The following MYOM1 variants were observed in gnomAD, a reference collection of about 807,000 sequenced individuals.
The protein encoded by MYOM1 is myomesin-1.
Under a neutral mutation model 205.3 loss-of-function variants are expected in MYOM1, and 164 were observed. The observed-to-expected ratio is 0.80, with a 90% CI of 0.70 to 0.91. The LOEUF is 0.91. Among genes scored for constraint, MYOM1 ranks in the 40% least tolerant of loss-of-function variants. The probability of loss-of-function intolerance (pLI) is 0.00; values close to 1 mark genes in which losing one functional copy is unlikely to be tolerated. For missense variants in MYOM1, 2,011 were observed against 2,127.3 expected (o/e 0.95, Z 1.08); for synonymous variants, 772 against 789.4 (o/e 0.98, Z 0.37).
At position 3,152,602 on chromosome 18, in the gene MYOM1, C is replaced by T. The variant is rs2080237265; in HGVS notation, c.1644-709G>A. On this transcript the variant is annotated intron_variant, in intron 11 of 37. Transcript: ENST00000356443. The surrounding 1 kb of genome is among the most constrained non-coding windows in gnomAD (Gnocchi z 4.3). ...TTCCCAGCAGACAAATATGACAGCT[C>T]ATATCATGCTGTTGGCCTGATCAAC... 6.6e-6 allele frequency among the ~76,000 whole-genome samples: 1 copy of T among 152,178 alleles called. No individual in the cohort carries two copies.
chr18:3,074,506 G>C (rs1487434856), intron 36 of MYOM1, among the ~76,000 whole-genome samples: 1 of 152,170 alleles, frequency 6.6e-6, no homozygotes, highest in African/African-American at 2.4e-5. Flanking sequence ...AGCTGAATTA[G>C]TATTATGGAT....
At chr18:3,153,630 T>C (rs965101646) in intron 11 of MYOM1, among the ~76,000 whole-genome samples, 1 of 152,212 alleles carries the variant, frequency 6.6e-6, no homozygotes, top group African/African-American at 2.4e-5. Flanking sequence ...TACTAAATGA[T>C]GAAATGTTGT....
At chr18:3,153,369 G>A (rs1229108671) in intron 11 of MYOM1, among the ~76,000 whole-genome samples, 1 of 152,112 alleles carries the variant, frequency 6.6e-6, no homozygotes, top group African/African-American at 2.4e-5. Context: ...TAATAGCAAC[G>A]ACCTTAAAGG....
At chr18:3,178,395 C>G (rs937359615) in intron 5 of MYOM1, among the ~76,000 whole-genome samples, 1 of 152,246 alleles carries the variant, frequency 6.6e-6, no homozygotes. Context: ...AACCGGCAGC[C>G]TGGCTGCTGA....
intron 37 of MYOM1, among the ~76,000 whole-genome samples, chr18:3,071,353 T>C (rs529099262): frequency 2.0e-5 from 3 of 152,038 alleles, no homozygotes; most frequent in East Asian, 1.9e-4. Flanking sequence ...GTTAAGATGA[T>C]TGGAAAACCG....
At chr18:3,201,616 G>GTATGTATA (rs1258868163) in intron 2 of MYOM1, among the ~76,000 whole-genome samples, 1 of 149,934 alleles carries the variant, frequency 6.7e-6, no homozygotes, top group Non-Finnish European at 1.5e-5. Flanking sequence ...ACACATATAT[G>GTATGTATA]TATGTAAATT....
intron 10 of MYOM1, among the ~76,000 whole-genome samples, chr18:3,163,259 C>A (rs1034285185): frequency 3.9e-5 from 6 of 152,170 alleles, no homozygotes; most frequent in African/African-American, 1.4e-4. Flanking sequence ...CCCTCTTTTG[C>A]AGCAGCTTCC....
intron 5 of MYOM1, among the ~76,000 whole-genome samples, chr18:3,178,658 C>G (rs1008648804): frequency 6.6e-6 from 1 of 152,224 alleles, no homozygotes; most frequent in African/African-American, 2.4e-5. Context: ...TATAACAGAA[C>G]CCGAACTCAT....
At chr18:3,174,304 G>A in intron 6 of MYOM1, 96 bp from the exon 7 acceptor site, 1 of 996,892 alleles carries the variant, frequency 1.0e-6, no homozygotes, top group Non-Finnish European at 1.5e-6. Context: ...ACAGCCCCCT[G>A]CAAATCAGTG....
chr18:3,161,529 CT>C (rs1290595245), intron 10 of MYOM1, among the ~76,000 whole-genome samples: 1 of 152,214 alleles, frequency 6.6e-6, no homozygotes, highest in Non-Finnish European at 1.5e-5. Context: ...AATTCGGCCT[CT>C]GCCCCTCCAC....
At chr18:3,150,572 T>C (rs1212162848) in intron 12 of MYOM1, among the ~76,000 whole-genome samples, 1 of 151,978 alleles carries the variant, frequency 6.6e-6, no homozygotes, top group Non-Finnish European at 1.5e-5. Flanking sequence ...AGAACACCCC[T>C]AGCCACCTCC....
chr18:3,152,118 G>C lies in MYOM1; in HGVS notation c.1644-225C>G, dbSNP rs1246028329. ...GAAGCCTCAGGTCCTTCCTGAACTC[G>C]TAAAAAGCAGGCATCTGAGGGGCCT... On this transcript the variant is annotated intron_variant, in intron 11 of 37. Coordinates refer to ENST00000356443, the MANE Select transcript of MYOM1 (RefSeq NM_003803.4). The surrounding 1 kb of genome is among the most constrained non-coding windows in gnomAD (Gnocchi z 4.3). 6.6e-6 allele frequency among the ~76,000 whole-genome samples: 1 copy of C among 152,050 alleles called. No individual in the cohort carries two copies. Among genetic ancestry groups the C allele is most frequent in the Admixed American group, 6.6e-5 (1 of 15,248 alleles).
At chr18:3,229,300 A>T in the MYOM1 span, among the ~76,000 whole-genome samples, 1 of 152,096 alleles carries the variant, frequency 6.6e-6, no homozygotes, top group Non-Finnish European at 1.5e-5. Flanking sequence ...ATATTCTAGG[A>T]CAATTAACTC....
At chr18:3,071,281 C>T (rs1025661601) in intron 37 of MYOM1, among the ~76,000 whole-genome samples, 5 of 152,190 alleles carry the variant, frequency 3.3e-5, no homozygotes, top group African/African-American at 1.2e-4. Flanking sequence ...TTCAAAGATA[C>T]TAAGTGGTCT....
intron 21 of MYOM1, among the ~76,000 whole-genome samples, chr18:3,114,832 G>T (rs1039530482): frequency 5.3e-5 from 8 of 152,070 alleles, no homozygotes; most frequent in Non-Finnish European, 1.0e-4. Context: ...TTCCAGGTTT[G>T]TTAGGTATAC....
chr18:3,233,240 CT>C, the MYOM1 span, among the ~76,000 whole-genome samples: 1 of 152,200 alleles, frequency 6.6e-6, no homozygotes, highest in Non-Finnish European at 1.5e-5. Flanking sequence ...CAACATTCAT[CT>C]GGTTGAGTTT....
At chr18:3,214,448 A>G (rs765206692) in intron 2 of MYOM1, among the ~76,000 whole-genome samples, 2 of 152,238 alleles carry the variant, frequency 1.3e-5, no homozygotes, top group Non-Finnish European at 2.9e-5. Flanking sequence ...ATAAAGGGAA[A>G]TAGGTAGGCA....
At chr18:3,230,896 C>T in the MYOM1 span, among the ~76,000 whole-genome samples, 177 of 152,282 alleles carry the variant, frequency 1.2e-3, no homozygotes, top group African/African-American at 4.1e-3. Context: ...ACTTGGACAC[C>T]TTCCAACAGT....
chr18:3,128,603 GT>G (rs1390668914), intron 18 of MYOM1, among the ~76,000 whole-genome samples: 3 of 151,956 alleles, frequency 2.0e-5, no homozygotes, highest in East Asian at 1.9e-4. Flanking sequence ...ATTTATAGCT[GT>G]TTTTTTCTTT....
Sources: allele counts gnomAD v4.1 joint callset (sites outside exome capture counted in the v4.1 genomes callset), GRCh38; gene constraint gnomAD v4.1.1; non-coding constraint Gnocchi (gnomAD v3.1); transcripts MANE v1.5; gene names NCBI Gene and HGNC (gene_info 2026-07-23, HGNC 2026-07-21).